The following SLC6A18 variants were observed in gnomAD, a reference collection of about 807,000 sequenced individuals.
The protein encoded by SLC6A18 is inactive sodium-dependent neutral amino acid transporter B(0)AT3.
A neutral mutation model predicts 62.9 loss-of-function variants in SLC6A18; 58 were observed. The observed-to-expected ratio is 0.92, with a 90% CI of 0.75 to 1.15. The LOEUF (loss-of-function observed/expected upper bound fraction) is 1.15, where lower values mean the gene tolerates loss of function less well. Ranked by LOEUF, SLC6A18 falls within the 50% of genes most tolerant of loss-of-function variation. The pLI, the probability that SLC6A18 is intolerant of heterozygous loss-of-function variation, is 0.00. For synonymous variants in SLC6A18, 382 were observed against 365.8 expected, an observed-to-expected ratio of 1.04 and a Z score of -0.51; for missense variants, 793 against 836.6, an observed-to-expected ratio of 0.95 and a Z score of 0.64.
chr5:1,244,209 C>T lies in SLC6A18; in HGVS notation c.1337-5C>T, dbSNP rs767325721. ...ACCCCCCACACCCCTTTCCCACTGCCCCAGGGCTGGTCTGCCTGGTCTGCT... is the reference window on the plus strand; with the variant it reads ...ACCCCCCACACCCCTTTCCCACTGCTCCAGGGCTGGTCTGCCTGGTCTGCT... On this transcript the variant is annotated splice_region_variant and splice_polypyrimidine_tract_variant and intron_variant, in intron 9 of 11. Coordinates refer to ENST00000324642, the MANE Select transcript of SLC6A18 (RefSeq NM_182632.3). 2 of 1,610,938 alleles carry T rather than the reference C, an allele frequency of 1.2e-6. No individual in the cohort carries two copies. Among genetic ancestry groups the T allele is most frequent in the African/African-American group, 1.3e-5 (1 of 74,822 alleles).
rs2126541768 is a variant in SLC6A18 at position 1,243,292 on chromosome 5, C to G, written c.1132-263C>G. Among the ~76,000 whole-genome samples, 1 of 152,290 alleles carries G rather than the reference C, an allele frequency of 6.6e-6. No homozygotes were observed. Among genetic ancestry groups the G allele is most frequent in the East Asian group, 1.9e-4 (1 of 5,174 alleles). On this transcript the variant is annotated intron_variant, in intron 8 of 11. Transcript: ENST00000324642. The surrounding 1 kb of genome is among the most constrained non-coding windows in gnomAD (Gnocchi z 6.5). ...GGGATGCATCTCAGGGTGCCTGACT[C>G]TAGGCATAAAAGGCGCTGGTTTCTA...
At position 1,238,584 on chromosome 5, in the gene SLC6A18, G is replaced by C. The variant is rs1289599087; in HGVS notation, c.732+524G>C. On this transcript the variant is annotated intron_variant, in intron 5 of 11. Transcript: ENST00000324642. ...GCTTGGGGCCTCAGGAAAGAGGTCAGGTTTGGAGTGAGCCAGGGGCCTCAG... is the reference window on the plus strand; with the variant it reads ...GCTTGGGGCCTCAGGAAAGAGGTCACGTTTGGAGTGAGCCAGGGGCCTCAG... 5.0e-5 allele frequency among the ~76,000 whole-genome samples: 2 copies of C among 40,342 alleles called. 1 individual carries two copies. Among genetic ancestry groups the C allele is most frequent in the Non-Finnish European group, 9.8e-5 (2 of 20,342 alleles). The allele number at this position is 40,342 out of a possible 152,430, so 26.5% of individuals were successfully genotyped here.
At chr5:1,237,534 C>A (rs953296511) in intron 4 of SLC6A18, among the ~76,000 whole-genome samples, 7 of 152,068 alleles carry the variant, frequency 4.6e-5, no homozygotes, top group Admixed American at 4.6e-4. Context: ...GGAGAGGGGA[C>A]CAAAGCAGGG....
Position 1,244,284 on chromosome 5 carries a change from G to C in SLC6A18, c.1407G>C (p.Glu469Asp). The C allele has an allele frequency of 6.2e-7, 1 of 1,614,036 alleles. No individual in the cohort carries two copies. Among genetic ancestry groups the C allele is most frequent in the Non-Finnish European group, 8.5e-7 (1 of 1,179,990 alleles). The part of the protein sequence containing the change: ...FTLQSGNYWL[E>D]IFDNFAASPN... ...TGCAGTCTGGGAACTACTGGCTGGA[G>C]ATTTTCGACAATTTTGCCGCTTCCC... Residue 469 changes from glutamate to aspartate, a missense_variant, in exon 10 of 12, where the codon GAG becomes GAC. By Grantham distance (45) the Glu-to-Asp change is conservative. Transcript: ENST00000324642.
chr5:1,244,454 C>T (rs1365656432), intron 10 of SLC6A18, 81 bp downstream of exon 10: 20 of 1,577,452 alleles, frequency 1.3e-5, no homozygotes, highest in Middle Eastern at 1.7e-4. Flanking sequence ...AGGTTCAACC[C>T]GCAGCTGCCC....
chr5:1,230,494 G>T (rs1461139875), intron 1 of SLC6A18, among the ~76,000 whole-genome samples: 1 of 152,176 alleles, frequency 6.6e-6, no homozygotes, highest in Non-Finnish European at 1.5e-5. Flanking sequence ...CTGTGTAAAT[G>T]ACACGGACAA....
intron 1 of SLC6A18, among the ~76,000 whole-genome samples, chr5:1,226,911 G>C (rs72491338): frequency 6.6e-6 from 1 of 151,982 alleles, no homozygotes; most frequent in Admixed American, 6.6e-5. Context: ...CGCCTTGTTC[G>C]CCAATGCCTT....
intron 3 of SLC6A18, among the ~76,000 whole-genome samples, chr5:1,233,585 C>CT (rs111463112): frequency 0.43 from 59,111 of 138,650 alleles, 12,484 homozygotes; most frequent in African/African-American, 0.46. Flanking sequence ...ATATTTTCTT[C>CT]TTTTTTTTTT....
At chr5:1,228,406 C>T (rs1746638159) in intron 1 of SLC6A18, among the ~76,000 whole-genome samples, 1 of 152,222 alleles carries the variant, frequency 6.6e-6, no homozygotes, top group Admixed American at 6.5e-5. Flanking sequence ...CTGGGCGTGT[C>T]TCTGGTTGAT....
In SLC6A18 at chr5:1,244,817, G is replaced by T. The variant is rs567418424; in HGVS notation, c.1656+50G>T. The T allele has an allele frequency of 1.9e-6, 3 of 1,552,668 alleles. No homozygotes were observed. In the African/African-American group the frequency reaches 4.1e-5, roughly 21 times the overall value. On this transcript the variant is annotated intron_variant, in intron 11 of 11. Transcript: ENST00000324642. ...GGAAGTCCTGGGACCCCTCGGGCTTGGTCTGGCCCCTACGGTGCCATCCGG... is the reference window on the plus strand; with the variant it reads ...GGAAGTCCTGGGACCCCTCGGGCTTTGTCTGGCCCCTACGGTGCCATCCGG...
At chr5:1,229,645 G>T (rs370316591) in intron 1 of SLC6A18, among the ~76,000 whole-genome samples, 1 of 152,192 alleles carries the variant, frequency 6.6e-6, no homozygotes, top group African/African-American at 2.4e-5. Context: ...TCCTCCACCC[G>T]GCCACTGTGC....
At chr5:1,239,693 AGTCTGGGCCCTCACGGCAGCTCCCAGCAC>A in intron 6 of SLC6A18, 131 bp downstream of exon 6, 2 of 687,172 alleles carry the variant, frequency 2.9e-6, no homozygotes, top group Non-Finnish European at 5.0e-6. Flanking sequence ...CTCACGCCAC[AGTCTGGGCCCTCACGGCAGCTCCCAGCAC>A]GTCCGGAGCT....
At chr5:1,234,036 C>T (rs973400593) in intron 3 of SLC6A18, among the ~76,000 whole-genome samples, 18 of 152,138 alleles carry the variant, frequency 1.2e-4, no homozygotes, top group African/African-American at 3.4e-4. Flanking sequence ...CCACCGCGCC[C>T]GGCCAGCACC....
intron 6 of SLC6A18, 116 bp from the exon 7 acceptor site, chr5:1,240,415 G>T: frequency 6.7e-7 from 1 of 1,482,340 alleles, no homozygotes; most frequent in South Asian, 1.3e-5. Context: ...GGTCAGAGAA[G>T]GGGCATCCCA....
intron 2 of SLC6A18, 48 bp from the exon 3 acceptor site, chr5:1,232,703 G>T: frequency 6.4e-7 from 1 of 1,563,208 alleles, no homozygotes; most frequent in African/African-American, 1.4e-5. Flanking sequence ...TGGGCAGAGG[G>T]AGCTGGGAAG....
intron 4 of SLC6A18, among the ~76,000 whole-genome samples, chr5:1,237,097 C>T (rs1446132241): frequency 1.3e-5 from 2 of 151,688 alleles, no homozygotes; most frequent in African/African-American, 4.9e-5. Flanking sequence ...AAAAAATTAG[C>T]CAGCCGTGGT....
Position 1,230,707 on chromosome 5 carries a change from G to A in SLC6A18, c.161-1512G>A, listed in dbSNP as rs530873391. ...GGACCCTGCCTGGCAAAGTGGAGCT[G>A]ATGGGAGATGCCAGGCGCGGAGACG... On this transcript the variant is annotated intron_variant, in intron 1 of 11. Transcript: ENST00000324642. 9.2e-5 allele frequency among the ~76,000 whole-genome samples: 14 copies of A among 152,348 alleles called. No homozygotes were observed. The East Asian group carries it at 2.7e-3, about 29-fold the overall frequency.
intron 6 of SLC6A18, among the ~76,000 whole-genome samples, chr5:1,240,303 G>A (rs1026930718): frequency 6.6e-6 from 1 of 152,236 alleles, no homozygotes; most frequent in Non-Finnish European, 1.5e-5. Flanking sequence ...GGTGTGAATG[G>A]GTTTCAGACC....
chr5:1,231,464 C>T (rs2126528607), intron 1 of SLC6A18, among the ~76,000 whole-genome samples: 1 of 152,288 alleles, frequency 6.6e-6, no homozygotes, highest in African/African-American at 2.4e-5. Flanking sequence ...CTGCGACATC[C>T]CCATGAGCAA....
Sources: gnomAD v4.1 joint callset for allele counts (sites outside exome capture counted in the v4.1 genomes callset) on GRCh38, gnomAD v4.1.1 for gene constraint, Gnocchi (gnomAD v3.1) non-coding constraint, MANE v1.5 for transcripts, NCBI Gene and HGNC (gene_info 2026-07-23, HGNC 2026-07-21) for gene names.